Variants in PCDHGB1 observed in about 807,000 individuals in gnomAD.
PCDHGB1 encodes the protein protocadherin gamma subfamily B, 1, also known as protocadherin gamma-B1.
In PCDHGB1, 34 loss-of-function variants were observed where a neutral mutation model predicts 56.6. The observed-to-expected ratio is 0.60, with a 90% CI of 0.46 to 0.80. PCDHGB1 has a LOEUF of 0.80. PCDHGB1 is among the 30% of genes least tolerant of loss of function. The probability of loss-of-function intolerance (pLI) is 0.00; values close to 1 mark genes in which losing one functional copy is unlikely to be tolerated. For missense variants in PCDHGB1, 1,278 were observed against 1,204.6 expected (o/e 1.06, Z -0.90); for synonymous variants, 561 against 505.9 (o/e 1.11, Z -1.46).
In PCDHGB1 at chr5:141,476,477, G is replaced by T. The variant is rs768824553; in HGVS notation, c.2410-18330G>T. The T allele has an allele frequency of 1.9e-6, 3 of 1,614,078 alleles. No homozygotes were observed. The highest frequency in any genetic ancestry group is 1.7e-5 in the Admixed American group (1 of 60,016). Reference sequence around the variant, plus strand: ...GGAGAACCCGCTGGAGCTGTTCAGCGTGGAAGTGGTGATCCAGGACATCAA... The same window carrying T: ...GGAGAACCCGCTGGAGCTGTTCAGCTTGGAAGTGGTGATCCAGGACATCAA... On this transcript the variant is annotated intron_variant, in intron 1 of 3. Coordinates refer to ENST00000523390, the MANE Select transcript of PCDHGB1 (RefSeq NM_018922.3). This position sits in a 1 kb window ranked among gnomAD's most constrained non-coding sequence, Gnocchi z 7.6.
Position 141,431,794 on chromosome 5 carries a change from A to C in PCDHGB1, c.2410-63013A>C. On this transcript the variant is annotated intron_variant, in intron 1 of 3. Coordinates refer to ENST00000523390, the MANE Select transcript of PCDHGB1 (RefSeq NM_018922.3). The surrounding 1 kb of genome is among the most constrained non-coding windows in gnomAD (Gnocchi z 4.8). ...TTCTGGACGTGAACGACAATGCCCC[A>C]GAAGTGGTCCTCACCTCTCTCGCCA... 1 of 1,614,260 alleles carries C rather than the reference A, an allele frequency of 6.2e-7. No individual in the cohort carries two copies. Among genetic ancestry groups the C allele is most frequent in the Non-Finnish European group, 8.5e-7 (1 of 1,180,046 alleles).
intron 1 of PCDHGB1, chr5:141,366,940 C>A: frequency 1.2e-6 from 1 of 819,898 alleles, no homozygotes; most frequent in Non-Finnish European, 1.8e-6. Context: ...GGAAGTCTAG[C>A]TGATATCTGT....
chr5:141,383,192 A>T, intron 1 of PCDHGB1: 1 of 1,614,092 alleles, frequency 6.2e-7, no homozygotes, highest in Non-Finnish European at 8.5e-7. Context: ...ATCTGCGCTC[A>T]GAGTGCGCGG....
chr5:141,370,529 G>T (rs767611078), intron 1 of PCDHGB1: 4 of 1,613,824 alleles, frequency 2.5e-6, no homozygotes, highest in South Asian at 1.1e-5. Flanking sequence ...ACAGGGGCTC[G>T]CTGGTAGGGA....
At chr5:141,399,080 G>A (rs1385144710) in intron 1 of PCDHGB1, 2 of 1,613,696 alleles carry the variant, frequency 1.2e-6, no homozygotes, top group Non-Finnish European at 1.7e-6. Flanking sequence ...GTAGAAGGGA[G>A]GGATGGTGGT....
chr5:141,364,239 T>G (rs1763233017), intron 1 of PCDHGB1: 2 of 1,440,110 alleles, frequency 1.4e-6, no homozygotes, highest in African/African-American at 2.9e-5. Context: ...CACGCCCATT[T>G]TCGTCAGGGA....
chr5:141,377,400 G>A (rs1463331041), intron 1 of PCDHGB1: 1 of 152,108 alleles, frequency 6.6e-6, no homozygotes, highest in Non-Finnish European at 1.5e-5. Context: ...GAGACCAGGA[G>A]TTTGAGACCA....
At chr5:141,353,544 G>A (rs1278029752) in intron 1 of PCDHGB1, among the ~76,000 whole-genome samples, 1 of 152,080 alleles carries the variant, frequency 6.6e-6, no homozygotes, top group African/African-American at 2.4e-5. Context: ...CACTAACTTT[G>A]AGTCAATATT....
chr5:141,385,196 G>T, intron 1 of PCDHGB1: 1 of 1,614,230 alleles, frequency 6.2e-7, no homozygotes, highest in South Asian at 1.1e-5. Flanking sequence ...TCTCGGAAGA[G>T]TCACCTGATC....
At position 141,486,135 on chromosome 5, in the gene PCDHGB1, G is replaced by A. The variant is rs145871538; in HGVS notation, c.2410-8672G>A. ...GAGAATTACTATGAATTTGATGTGC[G>A]GGCTCGCGATGGGGGTTCTCCAGCC... On this transcript the variant is annotated intron_variant, in intron 1 of 3. Transcript: ENST00000523390. This position sits in a 1 kb window ranked among gnomAD's most constrained non-coding sequence, Gnocchi z 5.0. The A allele has an allele frequency of 1.9e-6, 3 of 1,614,168 alleles. No homozygotes were observed. Among genetic ancestry groups the A allele is most frequent in the Non-Finnish European group, 2.5e-6 (3 of 1,180,022 alleles).
rs545524357 is a variant in PCDHGB1, at chr5:141,467,902, G to A, written c.2410-26905G>A. ...TCAAACTCCTGAGCTCAAGAAATCC[G>A]CCCACCTCAGCCTCCCAAAATGCTA... On this transcript the variant is annotated intron_variant, in intron 1 of 3. Coordinates refer to ENST00000523390, the MANE Select transcript of PCDHGB1 (RefSeq NM_018922.3). 1.1e-4 allele frequency among the ~76,000 whole-genome samples: 16 copies of A among 151,862 alleles called. No homozygotes were observed. The East Asian group carries it at 2.3e-3, about 22-fold the overall frequency.
At chr5:141,510,674 GGCAT>G (rs1388331907) in intron 3 of PCDHGB1, among the ~76,000 whole-genome samples, 6 of 152,132 alleles carry the variant, frequency 3.9e-5, no homozygotes, top group Non-Finnish European at 8.8e-5. Flanking sequence ...AAACTGAAGT[GGCAT>G]AAGGAGGTTA....
At position 141,476,503 on chromosome 5, in the gene PCDHGB1, C is replaced by T. The variant is rs1259213742; in HGVS notation, c.2410-18304C>T. 2 of 1,614,138 alleles carry T rather than the reference C, an allele frequency of 1.2e-6. No individual in the cohort carries two copies. ...TGGAAGTGGTGATCCAGGACATCAA[C>T]GACAACAATCCTGCTTTCCCTACCC... On this transcript the variant is annotated intron_variant, in intron 1 of 3. Transcript: ENST00000523390. The surrounding 1 kb of genome is among the most constrained non-coding windows in gnomAD (Gnocchi z 7.6).
chr5:141,395,036 G>C, intron 1 of PCDHGB1: 2 of 1,614,110 alleles, frequency 1.2e-6, no homozygotes, highest in South Asian at 1.1e-5. Context: ...CACATTTTGT[G>C]GGTGTTGAGG....
rs2099455203 is a variant in PCDHGB1 at position 141,478,427 on chromosome 5, C to T, written c.2410-16380C>T. The T allele has an allele frequency of 1.9e-6, 3 of 1,613,742 alleles. No individual in the cohort carries two copies. Among genetic ancestry groups the T allele is most frequent in the Non-Finnish European group, 2.5e-6 (3 of 1,180,014 alleles). On this transcript the variant is annotated intron_variant, in intron 1 of 3. Coordinates refer to ENST00000523390, the MANE Select transcript of PCDHGB1 (RefSeq NM_018922.3). ...CACCACGGACTCCCGCCGCAGCGAC[C>T]CGCTGCTGAAGAAACCTGGTGCAGC...
intron 1 of PCDHGB1, among the ~76,000 whole-genome samples, chr5:141,458,500 T>G (rs2098947037): frequency 6.6e-6 from 1 of 151,442 alleles, no homozygotes; most frequent in Admixed American, 6.6e-5. Context: ...CTGTACATAC[T>G]GTTTGACACT....
intron 1 of PCDHGB1, chr5:141,361,829 C>T (rs1404954356): frequency 4.3e-6 from 7 of 1,612,986 alleles, no homozygotes; most frequent in Non-Finnish European, 5.9e-6. Flanking sequence ...GTGCTGTACC[C>T]CGCGCTGGGG....
At chr5:141,398,375 A>C in intron 1 of PCDHGB1, 2 of 1,437,542 alleles carry the variant, frequency 1.4e-6, no homozygotes, top group East Asian at 4.7e-5. Flanking sequence ...GAGAGCGGGG[A>C]GTTGCTTGTG....
chr5:141,414,302 A>G (rs2095732200), intron 1 of PCDHGB1: 3 of 1,613,678 alleles, frequency 1.9e-6, no homozygotes, highest in Non-Finnish European at 2.5e-6. Flanking sequence ...TTAAATGTGC[A>G]TGATTTAGAC....
Sources: allele counts gnomAD v4.1 joint callset (sites outside exome capture counted in the v4.1 genomes callset), GRCh38; gene constraint gnomAD v4.1.1; non-coding constraint Gnocchi (gnomAD v3.1); transcripts MANE v1.5; gene names NCBI Gene and HGNC (gene_info 2026-07-23, HGNC 2026-07-21).